Variants in RNF144A observed in about 807,000 individuals in gnomAD.
RNF144A encodes ring finger protein 144A.
Under a neutral mutation model 38.7 loss-of-function variants are expected in RNF144A, and 11 were observed. That is an observed-to-expected ratio of 0.28 (90% CI 0.18 to 0.47). The LOEUF (loss-of-function observed/expected upper bound fraction) is 0.47. Among genes scored for constraint, RNF144A ranks in the 20% least tolerant of loss-of-function variants. The pLI is 0.99. For synonymous variants in RNF144A, 149 were observed against 143.9 expected, an observed-to-expected ratio of 1.04 and a Z score of -0.25; for missense variants, 316 against 377.2, an observed-to-expected ratio of 0.84 and a Z score of 1.34.
chr2:6,994,571 G>A (rs934072897), intron 2 of RNF144A, among the ~76,000 whole-genome samples: 2 of 151,954 alleles, frequency 1.3e-5, no homozygotes, highest in Non-Finnish European at 2.9e-5. Flanking sequence ...TATGACCCTG[G>A]GGAGGACGCC....
intron 6 of RNF144A, among the ~76,000 whole-genome samples, chr2:7,061,481 G>A (rs1216849711): frequency 1.3e-5 from 2 of 151,898 alleles, no homozygotes; most frequent in Non-Finnish European, 2.9e-5. Context: ...GGGTGATGAT[G>A]TTTTTTTTAA....
chr2:7,030,297 GTGTGTGTGTA>G lies in RNF144A; in HGVS notation c.747+86_747+95del, dbSNP rs1333174111. 5.4e-4 allele frequency: 421 copies of G among 782,432 alleles called. 1 individual carries two copies. The highest frequency in any genetic ancestry group is 3.1e-3 in the South Asian group (161 of 52,634). The allele number at this position is 782,432 out of a possible 1,614,324, so 48.5% of individuals were successfully genotyped here. A position where few individuals can be genotyped will look rare whatever the true frequency, so the allele number is the denominator to read the frequency against. On this transcript the variant is annotated intron_variant, in intron 8 of 8. Coordinates refer to ENST00000320892, the MANE Select transcript of RNF144A (RefSeq NM_014746.6). ...TGTGTGTGTGTGTGTGTGTGTGTGT[GTGTGTGTGTA>G]TGTATATCTTTAGTGTTTCCAGACT...
chr2:7,055,255 A>T (rs1673686760), intron 6 of RNF144A, among the ~76,000 whole-genome samples: 1 of 152,136 alleles, frequency 6.6e-6, no homozygotes, highest in Admixed American at 6.5e-5. Context: ...TTTCCAGGCA[A>T]TGCCCCCAAC....
chr2:7,061,333 C>G (rs1673945051), intron 6 of RNF144A, among the ~76,000 whole-genome samples: 1 of 152,222 alleles, frequency 6.6e-6, no homozygotes, highest in South Asian at 2.1e-4. Context: ...GGGAGCCTAG[C>G]ATTCCCACCA....
chr2:7,000,562 G>A (rs407427), intron 3 of RNF144A, among the ~76,000 whole-genome samples: 124,645 of 152,158 alleles, frequency 0.82, 51,184 homozygotes, highest in South Asian at 0.92. Flanking sequence ...GCATTTGACA[G>A]TTACACTGAG....
intron 2 of RNF144A, among the ~76,000 whole-genome samples, chr2:6,953,165 A>G (rs1666790862): frequency 6.6e-6 from 1 of 152,144 alleles, no homozygotes; most frequent in South Asian, 2.1e-4. Context: ...AGTGGCTCAC[A>G]CCGGTAATCC....
intron 7 of RNF144A, 83 bp downstream of exon 7, chr2:7,024,599 C>A: frequency 2.7e-6 from 4 of 1,485,422 alleles, no homozygotes; most frequent in Non-Finnish European, 3.7e-6. Context: ...CAGCTGTTTC[C>A]TAAAGAGCTT....
chr2:6,928,231 G>A (rs1664997745), intron 1 of RNF144A, among the ~76,000 whole-genome samples: 1 of 152,162 alleles, frequency 6.6e-6, no homozygotes, highest in African/African-American at 2.4e-5. Context: ...TTAAATGGAC[G>A]GTTTGGGCTA....
intron 1 of RNF144A, among the ~76,000 whole-genome samples, chr2:6,938,250 C>CTTTTTTTTTTTTT (rs36100558): frequency 8.7e-6 from 1 of 114,504 alleles, no homozygotes; most frequent in Non-Finnish European, 1.8e-5. Context: ...CCTCCCCTCC[C>CTTTTTTTTTTTTT]TTTTTTTTTT....
intron 6 of RNF144A, among the ~76,000 whole-genome samples, chr2:7,049,368 A>G (rs1020083519): frequency 1.3e-5 from 2 of 152,244 alleles, no homozygotes; most frequent in East Asian, 1.9e-4. Context: ...TTGGCTGTAT[A>G]TAAATTATTG....
At chr2:6,968,934 A>G (rs1667834675) in intron 2 of RNF144A, among the ~76,000 whole-genome samples, 1 of 152,144 alleles carries the variant, frequency 6.6e-6, no homozygotes, top group African/African-American at 2.4e-5. Context: ...TGCTGGTCAG[A>G]TGAGGTCTCG....
intron 5 of RNF144A, among the ~76,000 whole-genome samples, chr2:7,017,821 GC>G (rs1375598617): frequency 6.6e-6 from 1 of 152,212 alleles, no homozygotes; most frequent in Non-Finnish European, 1.5e-5. Context: ...GGTGTGACAT[GC>G]CCCGGCAGCA....
Position 7,042,627 on chromosome 2 carries a change from CCT to C in RNF144A, c.*2871_*2872del. 1.0e-6 allele frequency: 1 copy of C among 985,540 alleles called. No individual in the cohort carries two copies. The highest frequency in any genetic ancestry group is 1.2e-6 in the Non-Finnish European group (1 of 830,028). The allele number at this position is 985,540 out of a possible 1,614,324, so 61.0% of individuals were successfully genotyped here. ...TGGAGGTTTTGCTGGAAATGCCTGA[CCT>C]CTCAGTCTGGCTCTGCTGTGTAGTC... On this transcript the variant is annotated 3_prime_UTR_variant, in exon 9 of 9. Transcript: ENST00000320892.
chr2:7,058,328 T>C (rs2103477735), intron 6 of RNF144A, among the ~76,000 whole-genome samples: 1 of 137,086 alleles, frequency 7.3e-6, no homozygotes, highest in Admixed American at 7.3e-5. Flanking sequence ...AGGAAGTGTA[T>C]GGGGGAACTG....
At chr2:7,008,318 G>A (rs966806856) in intron 3 of RNF144A, among the ~76,000 whole-genome samples, 2 of 152,224 alleles carry the variant, frequency 1.3e-5, no homozygotes, top group African/African-American at 4.8e-5. Flanking sequence ...TTTGTAGACC[G>A]CAGTGTAGCT....
intron 1 of RNF144A, among the ~76,000 whole-genome samples, chr2:6,936,204 G>A (rs1311402359): frequency 6.6e-6 from 1 of 152,080 alleles, no homozygotes; most frequent in Non-Finnish European, 1.5e-5. Context: ...AAAATATCAC[G>A]TCTTCAGAGA....
At chr2:6,949,050 G>A (rs554756185) in intron 2 of RNF144A, among the ~76,000 whole-genome samples, 1 of 152,202 alleles carries the variant, frequency 6.6e-6, no homozygotes, top group African/African-American at 2.4e-5. Flanking sequence ...AGGTGACCAC[G>A]TGGTGCTTTT....
chr2:7,014,833 G>A (rs991449525), intron 5 of RNF144A, 61 bp downstream of exon 5: 2 of 1,246,342 alleles, frequency 1.6e-6, no homozygotes, highest in African/African-American at 1.5e-5. Flanking sequence ...GGATAATTTT[G>A]TGGGGAGTTC....
chr2:6,971,413 A>T (rs1667993743), intron 2 of RNF144A, among the ~76,000 whole-genome samples: 1 of 152,218 alleles, frequency 6.6e-6, no homozygotes, highest in Non-Finnish European at 1.5e-5. Context: ...TGCCAGAAGG[A>T]TATTAAATGT....
Sources: allele counts gnomAD v4.1 joint callset (sites outside exome capture counted in the v4.1 genomes callset), GRCh38; gene constraint gnomAD v4.1.1; transcripts MANE v1.5; gene names NCBI Gene and HGNC (gene_info 2026-07-23, HGNC 2026-07-21).